Variants in PAK2 observed in about 807,000 individuals in gnomAD.
The protein encoded by PAK2 is p21 (RAC1) activated kinase 2, also known as serine/threonine-protein kinase PAK 2.
PAK2 carries 21 observed loss-of-function variants against 65.9 expected under a neutral mutation model. The ratio of observed to expected loss-of-function variants is 0.32; its 90% CI spans 0.23 to 0.46. The LOEUF (loss-of-function observed/expected upper bound fraction) is 0.46, where lower values mean the gene tolerates loss of function less well. Among genes scored for constraint, PAK2 ranks in the 20% least tolerant of loss-of-function variants. PAK2 has a pLI of 1.00. For synonymous variants in PAK2, 204 were observed against 219.7 expected (o/e 0.93, Z 0.63); for missense variants, 324 against 642.6 (o/e 0.50, Z 5.36).
intron 13 of PAK2, among the ~76,000 whole-genome samples, chr3:196,821,008 T>C (rs1711625066): frequency 6.6e-6 from 1 of 151,984 alleles, no homozygotes; most frequent in African/African-American, 2.4e-5. Flanking sequence ...CCCAGCTGAT[T>C]TTTGTACTTT....
At chr3:196,790,451 G>C (rs910809405) in intron 2 of PAK2, among the ~76,000 whole-genome samples, 1 of 152,002 alleles carries the variant, frequency 6.6e-6, no homozygotes, top group Non-Finnish European at 1.5e-5. Flanking sequence ...TAAGTTTTTT[G>C]CCCTGGTCTA....
chr3:196,770,778 A>G (rs1278556479), intron 1 of PAK2, among the ~76,000 whole-genome samples: 1 of 151,772 alleles, frequency 6.6e-6, no homozygotes, highest in Admixed American at 6.6e-5. Context: ...GCATGCCACC[A>G]CGCCCGACTA....
In PAK2 at chr3:196,832,608, CATTT is replaced by C. The variant is rs1456616596; in HGVS notation, c.*4205_*4208del. On this transcript the variant is annotated 3_prime_UTR_variant, in exon 15 of 15. Transcript: ENST00000327134. ...AATGTCTTAATAGGTTTTCAAAGAA[CATTT>C]AGTATTTTTAGTGATAAATGTTTTA... 1 of 151,806 alleles carries C rather than the reference CATTT, an allele frequency of 6.6e-6. No individual in the cohort carries two copies. The highest frequency in any genetic ancestry group is 1.5e-5 in the Non-Finnish European group (1 of 67,980). 9.4% of individuals were successfully genotyped at this position (151,806 alleles called of 1,614,324 possible).
intron 1 of PAK2, among the ~76,000 whole-genome samples, chr3:196,762,269 GAC>G (rs1386204333): frequency 8.6e-6 from 1 of 116,410 alleles, no homozygotes; most frequent in Non-Finnish European, 2.0e-5. Context: ...GCCAGGCAGA[GAC>G]ACTCCTCACT....
chr3:196,796,085 G>A (rs1306448740), intron 2 of PAK2, among the ~76,000 whole-genome samples: 1 of 152,216 alleles, frequency 6.6e-6, no homozygotes, highest in African/African-American at 2.4e-5. Context: ...GACAGGAGGC[G>A]GAGCTCGGGC....
chr3:196,742,625 GTCT>G (rs1713238051), intron 1 of PAK2, among the ~76,000 whole-genome samples: 1 of 152,116 alleles, frequency 6.6e-6, no homozygotes, highest in Non-Finnish European at 1.5e-5. Context: ...TTGAAACTGG[GTCT>G]TCTTCGCCGG....
At chr3:196,748,378 A>G (rs546847124) in intron 1 of PAK2, among the ~76,000 whole-genome samples, 1 of 152,292 alleles carries the variant, frequency 6.6e-6, no homozygotes, top group South Asian at 2.1e-4. Context: ...GTTTGCTCGT[A>G]TGGTATTGTA....
chr3:196,821,049 C>G (rs1035406563), intron 13 of PAK2, among the ~76,000 whole-genome samples: 5 of 152,122 alleles, frequency 3.3e-5, no homozygotes, highest in Admixed American at 6.5e-5. Context: ...CATGTTGGGT[C>G]AGGCTGGTCT....
chr3:196,751,541 GGAGGCT>G (rs1333344554), intron 1 of PAK2, among the ~76,000 whole-genome samples: 1 of 150,078 alleles, frequency 6.7e-6, no homozygotes, highest in African/African-American at 2.5e-5. Flanking sequence ...CAGCTACTCG[GGAGGCT>G]GAGGCATGAG....
chr3:196,793,500 T>C (rs1289952494), intron 2 of PAK2, among the ~76,000 whole-genome samples: 1 of 152,198 alleles, frequency 6.6e-6, no homozygotes, highest in African/African-American at 2.4e-5. Context: ...GTTAGCTTTT[T>C]AATACTTTCT....
intron 4 of PAK2, 131 bp downstream of exon 4, chr3:196,803,295 T>G: frequency 1.4e-6 from 1 of 700,918 alleles, no homozygotes; most frequent in Non-Finnish European, 2.3e-6. Flanking sequence ...GGATAGATTC[T>G]ACCTTTTGTA....
At chr3:196,826,389 C>A (rs66806908) in intron 13 of PAK2, among the ~76,000 whole-genome samples, 1 of 151,786 alleles carries the variant, frequency 6.6e-6, no homozygotes. Context: ...AGTCAGGATG[C>A]TCTCAATCTC....
At chr3:196,750,276 C>T (rs1407961040) in intron 1 of PAK2, among the ~76,000 whole-genome samples, 2 of 152,092 alleles carry the variant, frequency 1.3e-5, no homozygotes, top group Non-Finnish European at 2.9e-5. Context: ...AGGCGTGAGC[C>T]ACCGTGCCTG....
chr3:196,741,791 A>G (rs1713199475), intron 1 of PAK2, among the ~76,000 whole-genome samples: 1 of 152,170 alleles, frequency 6.6e-6, no homozygotes, highest in South Asian at 2.1e-4. Flanking sequence ...ATTAAGGTGT[A>G]GAAAGGTTGG....
intron 13 of PAK2, among the ~76,000 whole-genome samples, chr3:196,825,447 G>C (rs7648928): frequency 6.6e-6 from 1 of 151,800 alleles, no homozygotes; most frequent in African/African-American, 2.4e-5. Flanking sequence ...TTTAAGACCA[G>C]CCTGGCCAAC....
At chr3:196,789,473 T>TTC (rs1714996823) in intron 2 of PAK2, among the ~76,000 whole-genome samples, 1 of 135,600 alleles carries the variant, frequency 7.4e-6, no homozygotes, top group Non-Finnish European at 1.6e-5. Flanking sequence ...AAAACAATTT[T>TTC]TCTTTTTTCT....
chr3:196,811,988 T>C (rs1715842873), intron 8 of PAK2, among the ~76,000 whole-genome samples: 1 of 152,126 alleles, frequency 6.6e-6, no homozygotes, highest in African/African-American at 2.4e-5. Flanking sequence ...TGCTCTTTTT[T>C]CCCTACATTT....
intron 5 of PAK2, 133 bp from the exon 6 acceptor site, chr3:196,806,446 G>A: frequency 1.7e-6 from 1 of 605,942 alleles, no homozygotes; most frequent in Non-Finnish European, 3.0e-6. Context: ...AGTTATCTAA[G>A]AGCTAATGAG....
chr3:196,792,078 C>T (rs1715091847), intron 2 of PAK2, among the ~76,000 whole-genome samples: 1 of 152,110 alleles, frequency 6.6e-6, no homozygotes, highest in Admixed American at 6.6e-5. Context: ...GCTGTGCTGA[C>T]CTGGCTTGAG....
Sources: allele counts gnomAD v4.1 joint callset (sites outside exome capture counted in the v4.1 genomes callset), GRCh38; gene constraint gnomAD v4.1.1; transcripts MANE v1.5; gene names NCBI Gene and HGNC (gene_info 2026-07-23, HGNC 2026-07-21).